MECOM: variants seen among roughly 807,000 people sequenced by gnomAD.
The protein encoded by MECOM is MDS1 and EVI1 complex locus.
A neutral mutation model predicts 116.3 loss-of-function variants in MECOM; 13 were observed. The observed-to-expected ratio is 0.11, with a 90% CI of 0.07 to 0.18. MECOM has a LOEUF of 0.18. Among genes scored for constraint, MECOM ranks in the 10% least tolerant of loss-of-function variants. MECOM has a pLI of 1.00. For missense variants in MECOM, 1,299 were observed against 1,509.0 expected, an observed-to-expected ratio of 0.86 and a Z score of 2.31; for synonymous variants, 528 against 535.2, an observed-to-expected ratio of 0.99 and a Z score of 0.19.
chr3:169,434,493 G>A (rs1742302151), intron 1 of MECOM, among the ~76,000 whole-genome samples: 2 of 151,860 alleles, frequency 1.3e-5, no homozygotes, highest in Admixed American at 1.3e-4. Context: ...AGGACTGGGA[G>A]CTATTTCAGA....
At chr3:169,260,621 C>A (rs1274208019) in intron 2 of MECOM, among the ~76,000 whole-genome samples, 1 of 152,156 alleles carries the variant, frequency 6.6e-6, no homozygotes, top group Non-Finnish European at 1.5e-5. Flanking sequence ...CCGTTCACTG[C>A]CCATATTCCA....
chr3:169,228,457 C>CA (rs1449143515), intron 2 of MECOM, among the ~76,000 whole-genome samples: 2 of 152,028 alleles, frequency 1.3e-5, no homozygotes, highest in African/African-American at 2.4e-5. Flanking sequence ...ACAGTTTATG[C>CA]AAAAACCAGT....
intron 1 of MECOM, among the ~76,000 whole-genome samples, chr3:169,456,516 T>G (rs1746524191): frequency 1.3e-5 from 2 of 152,198 alleles, no homozygotes; most frequent in South Asian, 4.1e-4. Context: ...GCTGAAAAGT[T>G]ACTCTTGCCA....
chr3:169,218,967 T>A (rs1751755937), intron 2 of MECOM, among the ~76,000 whole-genome samples: 1 of 152,082 alleles, frequency 6.6e-6, no homozygotes, highest in Non-Finnish European at 1.5e-5. Context: ...CGTGTGTGTG[T>A]GTGTGCTGTC....
chr3:169,398,492 G>A (rs540607275), intron 1 of MECOM, among the ~76,000 whole-genome samples: 7 of 152,246 alleles, frequency 4.6e-5, no homozygotes, highest in South Asian at 2.1e-4. Flanking sequence ...AATGTAGGAG[G>A]GTTAGAGTTC....
chr3:169,404,955 T>C (rs1357464605), intron 1 of MECOM, among the ~76,000 whole-genome samples: 2 of 152,162 alleles, frequency 1.3e-5, no homozygotes, highest in Non-Finnish European at 2.9e-5. Context: ...CCTCCTCTCT[T>C]TGACACACAG....
At chr3:169,147,392 A>G in intron 2 of MECOM, 4 of 985,436 alleles carry the variant, frequency 4.1e-6, no homozygotes, top group Non-Finnish European at 4.8e-6. Context: ...CTGTCTCTTT[A>G]AAGAGGATCT....
At chr3:169,508,342 C>T (rs1755550845) in intron 1 of MECOM, among the ~76,000 whole-genome samples, 2 of 150,764 alleles carry the variant, frequency 1.3e-5, no homozygotes, top group Admixed American at 1.3e-4. Context: ...GGGTGGGACA[C>T]AGTAAACTGG....
intron 1 of MECOM, among the ~76,000 whole-genome samples, chr3:169,486,545 G>A (rs748966114): frequency 6.6e-6 from 1 of 151,974 alleles, no homozygotes; most frequent in Non-Finnish European, 1.5e-5. Flanking sequence ...AGGGAATGAA[G>A]AAGAAAATGA....
At chr3:169,407,822 T>C (rs1028402185) in intron 1 of MECOM, among the ~76,000 whole-genome samples, 1 of 152,220 alleles carries the variant, frequency 6.6e-6, no homozygotes, top group Non-Finnish European at 1.5e-5. Context: ...TATATTGTTA[T>C]ATGTAATCAA....
chr3:169,358,803 G>A (rs1006095515), intron 2 of MECOM, among the ~76,000 whole-genome samples: 5 of 151,670 alleles, frequency 3.3e-5, no homozygotes, highest in African/African-American at 9.7e-5. Context: ...AGTTAAAAAC[G>A]TAAGTGGCTT....
At chr3:169,557,865 A>G (rs1051735457) in intron 1 of MECOM, among the ~76,000 whole-genome samples, 3 of 152,202 alleles carry the variant, frequency 2.0e-5, no homozygotes, top group African/African-American at 7.2e-5. Flanking sequence ...CAATAATACT[A>G]TTTCTTACAT....
At chr3:169,216,800 A>G (rs1484909840) in intron 2 of MECOM, among the ~76,000 whole-genome samples, 1 of 152,224 alleles carries the variant, frequency 6.6e-6, no homozygotes, top group African/African-American at 2.4e-5. Context: ...TATGCATAGC[A>G]AAAATACTGT....
At chr3:169,371,627 G>A (rs967167300) in intron 2 of MECOM, among the ~76,000 whole-genome samples, 3 of 151,662 alleles carry the variant, frequency 2.0e-5, no homozygotes, top group East Asian at 1.9e-4. Context: ...AAAACATCAC[G>A]TTGTACACCT....
intron 1 of MECOM, among the ~76,000 whole-genome samples, chr3:169,603,362 G>A (rs1387650112): frequency 1.3e-5 from 2 of 152,092 alleles, no homozygotes; most frequent in Non-Finnish European, 2.9e-5. Context: ...TGTTAGCACA[G>A]GAGTCAAAGT....
At chr3:169,487,527 T>A (rs1286742720) in intron 1 of MECOM, among the ~76,000 whole-genome samples, 2 of 151,790 alleles carry the variant, frequency 1.3e-5, no homozygotes, top group Non-Finnish European at 2.9e-5. Context: ...AAATAGAATG[T>A]AGGAGAGGGA....
chr3:169,083,536 G>A lies in MECOM; in HGVS notation c.*1373C>T, dbSNP rs1471145903. The A allele has an allele frequency of 5.5e-6, 1 of 183,262 alleles. No individual in the cohort carries two copies. The highest frequency in any genetic ancestry group is 1.2e-5 in the Non-Finnish European group (1 of 85,886). The allele number at this position is 183,262 out of a possible 1,614,324, so 11.4% of individuals were successfully genotyped here. On this transcript the variant is annotated 3_prime_UTR_variant, in exon 17 of 17. Coordinates refer to ENST00000651503, the MANE Select transcript of MECOM (RefSeq NM_004991.4). ...TTTTGTAAGTCTTTATTTTTTAGTT[G>A]CTCCTCCCATAGTAATGCACTGAAA... is the stretch of plus-strand genomic sequence containing the variant.
At chr3:169,221,045 T>G (rs78469877) in intron 2 of MECOM, among the ~76,000 whole-genome samples, 2,514 of 152,336 alleles carry the variant, frequency 0.017, 37 homozygotes, top group Non-Finnish European at 0.02. Flanking sequence ...TCAGGCTGTT[T>G]GGATTTAAAA....
intron 2 of MECOM, among the ~76,000 whole-genome samples, chr3:169,179,767 A>C (rs938682370): frequency 1.3e-5 from 2 of 152,166 alleles, no homozygotes; most frequent in Admixed American, 6.5e-5. Flanking sequence ...TTTCCTCAAA[A>C]AGTTTTTCAA....
Sources: allele counts gnomAD v4.1 joint callset (sites outside exome capture counted in the v4.1 genomes callset), GRCh38; gene constraint gnomAD v4.1.1; transcripts MANE v1.5; gene names NCBI Gene and HGNC (gene_info 2026-07-23, HGNC 2026-07-21).